Variants in SAMD4A observed in about 807,000 individuals in gnomAD.
SAMD4A encodes sterile alpha motif domain containing 4A.
Under a neutral mutation model 81.3 loss-of-function variants are expected in SAMD4A, and 33 were observed. That is an observed-to-expected ratio of 0.41 (90% confidence interval 0.31 to 0.54). The LOEUF (loss-of-function observed/expected upper bound fraction) is 0.54, where lower values mean the gene tolerates loss of function less well. Among genes scored for constraint, SAMD4A ranks in the 20% least tolerant of loss-of-function variants. The pLI is 0.37. For synonymous variants in SAMD4A, 389 were observed against 382.1 expected (o/e 1.02, Z -0.21); for missense variants, 854 against 951.1 (o/e 0.90, Z 1.34).
intron 10 of SAMD4A, among the ~76,000 whole-genome samples, chr14:54,776,212 T>C (rs2038843422): frequency 6.6e-6 from 1 of 152,122 alleles, no homozygotes; most frequent in Non-Finnish European, 1.5e-5. Flanking sequence ...AGGCCACCAC[T>C]GAGGAGGTGA....
chr14:54,721,738 A>G (rs1285172023), intron 3 of SAMD4A, among the ~76,000 whole-genome samples: 1 of 152,182 alleles, frequency 6.6e-6, no homozygotes, highest in Non-Finnish European at 1.5e-5. Context: ...CCATTGTCTT[A>G]TCCAGAAACT....
At chr14:54,584,099 G>GAATA (rs573389760) in intron 2 of SAMD4A, among the ~76,000 whole-genome samples, 15 of 152,262 alleles carry the variant, frequency 9.9e-5, no homozygotes, top group Non-Finnish European at 1.9e-4. Context: ...ATTTCATAAA[G>GAATA]AATAAATATT....
intron 2 of SAMD4A, among the ~76,000 whole-genome samples, chr14:54,591,926 T>G (rs1323516879): frequency 6.6e-6 from 1 of 152,148 alleles, no homozygotes; most frequent in Non-Finnish European, 1.5e-5. Context: ...CAGCCATATG[T>G]CTCACCACTC....
chr14:54,789,145 T>A lies in SAMD4A; in HGVS notation c.*201T>A. Reference sequence around the variant, plus strand: ...AGACCTGGGGTTGGTTATTTTGTCATTTGTTTCTGTCATGGGATGGTTTGG... The same window carrying A: ...AGACCTGGGGTTGGTTATTTTGTCAATTGTTTCTGTCATGGGATGGTTTGG... On this transcript the variant is annotated 3_prime_UTR_variant, in exon 13 of 13. Transcript: ENST00000554335. 1.6e-6 allele frequency: 1 copy of A among 632,694 alleles called. No homozygotes were observed. Among genetic ancestry groups the A allele is most frequent in the South Asian group, 1.9e-5 (1 of 53,718 alleles). The allele number at this position is 632,694 out of a possible 1,614,324, so 39.2% of individuals were successfully genotyped here.
At chr14:54,637,587 G>A (rs140694276) in intron 2 of SAMD4A, among the ~76,000 whole-genome samples, 1 of 152,072 alleles carries the variant, frequency 6.6e-6, no homozygotes, top group Non-Finnish European at 1.5e-5. Context: ...CTGGGAGTCC[G>A]CACCATGTGT....
intron 2 of SAMD4A, among the ~76,000 whole-genome samples, chr14:54,602,700 G>A (rs1396962478): frequency 1.3e-5 from 2 of 151,674 alleles, no homozygotes; most frequent in Non-Finnish European, 2.9e-5. Context: ...TAATGTAAAT[G>A]ATGAGTTAAT....
intron 2 of SAMD4A, among the ~76,000 whole-genome samples, chr14:54,610,785 T>C (rs1351713600): frequency 6.6e-6 from 1 of 152,220 alleles, no homozygotes; most frequent in Non-Finnish European, 1.5e-5. Context: ...TCAGCTCCAG[T>C]GCATTTTTTA....
intron 2 of SAMD4A, among the ~76,000 whole-genome samples, chr14:54,677,787 G>C (rs941315706): frequency 1.3e-5 from 2 of 152,122 alleles, no homozygotes; most frequent in African/African-American, 4.8e-5. Flanking sequence ...ATTTGGCTTT[G>C]AAGAAAGAGG....
intron 2 of SAMD4A, among the ~76,000 whole-genome samples, chr14:54,669,942 C>G (rs533229923): frequency 3.3e-5 from 5 of 152,112 alleles, no homozygotes; most frequent in African/African-American, 1.2e-4. Flanking sequence ...TCTGCCCCCC[C>G]AGCCCCCTGG....
chr14:54,580,308 T>G (rs1305635856), intron 2 of SAMD4A, among the ~76,000 whole-genome samples: 1 of 152,222 alleles, frequency 6.6e-6, no homozygotes, highest in Non-Finnish European at 1.5e-5. Context: ...TTCATTAAAA[T>G]GGTCCCCTCA....
intron 2 of SAMD4A, chr14:54,695,025 C>G: frequency 1.8e-6 from 1 of 548,688 alleles, no homozygotes; most frequent in Non-Finnish European, 2.3e-6. Flanking sequence ...ACCTGATGAC[C>G]TTCTGCTGTC....
upstream of SAMD4A, among the ~76,000 whole-genome samples, chr14:54,566,496 C>A (rs891254252): frequency 6.6e-6 from 1 of 151,716 alleles, no homozygotes; most frequent in African/African-American, 2.4e-5. Flanking sequence ...CCACGAGAAC[C>A]GGGATGGGAC....
In SAMD4A at chr14:54,775,004, C is replaced by T. The variant is rs139692268; in HGVS notation, c.1786C>T (p.Pro596Ser). Residue 596 changes from proline (P) to serine (S), a missense_variant, in exon 10 of 13, where the codon CCG becomes TCG. Transcript: ENST00000554335. ...GGGCGGTGGCATGGGCAGACGGAAC[C>T]CGCGCCAGTACCAGATCCCCTCTCG... ...SVGGGMGRRN[P>S]RQYQIPSRNV... 2.8e-5 allele frequency: 45 copies of T among 1,614,186 alleles called. No individual in the cohort carries two copies. The highest frequency in any genetic ancestry group is 3.6e-5 in the Non-Finnish European group (43 of 1,180,026).
At chr14:54,607,478 C>A (rs1194905244) in intron 2 of SAMD4A, among the ~76,000 whole-genome samples, 2 of 144,292 alleles carry the variant, frequency 1.4e-5, no homozygotes, top group East Asian at 4.3e-4. Flanking sequence ...TTTTTTTAGA[C>A]GGAGTCTTGC....
intron 2 of SAMD4A, among the ~76,000 whole-genome samples, chr14:54,658,175 G>A (rs1174784676): frequency 2.0e-5 from 3 of 152,138 alleles, no homozygotes; most frequent in Non-Finnish European, 4.4e-5. Context: ...GCCAGGTGTG[G>A]TGTCAGGTGC....
At chr14:54,685,835 T>C (rs1329562697) in intron 2 of SAMD4A, 3 of 456,558 alleles carry the variant, frequency 6.6e-6, no homozygotes, top group Admixed American at 4.7e-5. Flanking sequence ...AAGGGTAACA[T>C]CTGGAGAAAA....
intron 2 of SAMD4A, among the ~76,000 whole-genome samples, chr14:54,606,215 G>A (rs1209887884): frequency 6.6e-6 from 1 of 151,110 alleles, no homozygotes; most frequent in East Asian, 1.9e-4. Flanking sequence ...GTGTGTGTGC[G>A]TGCACGTGCA....
chr14:54,658,741 G>T (rs1470328968), intron 2 of SAMD4A, among the ~76,000 whole-genome samples: 2 of 152,190 alleles, frequency 1.3e-5, no homozygotes, highest in Non-Finnish European at 2.9e-5. Flanking sequence ...CCAAATGAGG[G>T]TCATTCCATC....
At chr14:54,777,776 C>T (rs1488957024) in intron 11 of SAMD4A, among the ~76,000 whole-genome samples, 1 of 152,182 alleles carries the variant, frequency 6.6e-6, no homozygotes, top group Non-Finnish European at 1.5e-5. Context: ...CTACCCAGTG[C>T]AGAGGCCTGC....
Sources: gnomAD v4.1 joint callset for allele counts (sites outside exome capture counted in the v4.1 genomes callset) on GRCh38, gnomAD v4.1.1 for gene constraint, MANE v1.5 for transcripts, NCBI Gene and HGNC (gene_info 2026-07-23, HGNC 2026-07-21) for gene names.